The following DNAJC5B variants were observed in gnomAD, a reference collection of about 807,000 sequenced individuals.
DNAJC5B encodes the protein DnaJ heat shock protein family (Hsp40) member C5 beta.
DNAJC5B carries 23 observed loss-of-function variants against 24.7 expected under a neutral mutation model. The ratio of observed to expected loss-of-function variants is 0.93; its 90% CI spans 0.67 to 1.32. DNAJC5B has a LOEUF of 1.32. Ranked by LOEUF, DNAJC5B falls within the 40% of genes most tolerant of loss-of-function variation. The pLI is 0.00. For synonymous variants in DNAJC5B, 101 were observed against 90.1 expected, an observed-to-expected ratio of 1.12 and a Z score of -0.68; for missense variants, 238 against 240.8, an observed-to-expected ratio of 0.99 and a Z score of 0.08.
chr8:66,090,282 GT>G (rs1807820795), intron 5 of DNAJC5B, among the ~76,000 whole-genome samples: 2 of 131,130 alleles, frequency 1.5e-5, no homozygotes, highest in South Asian at 2.5e-4. Context: ...TGTGTGTGTG[GT>G]AGAGAGAGAG....
intron 5 of DNAJC5B, 51 bp downstream of exon 5, chr8:66,080,599 C>A: frequency 6.7e-7 from 1 of 1,483,988 alleles, no homozygotes; most frequent in Non-Finnish European, 9.0e-7. Flanking sequence ...TAGGCCTGAG[C>A]AAGCACCAGG....
At chr8:66,046,343 C>A (rs1464479750) in intron 2 of DNAJC5B, among the ~76,000 whole-genome samples, 1 of 152,184 alleles carries the variant, frequency 6.6e-6, no homozygotes, top group Non-Finnish European at 1.5e-5. Context: ...CCCACTGCGC[C>A]TTCCTGTGGC....
intron 1 of DNAJC5B, among the ~76,000 whole-genome samples, chr8:66,042,472 C>A (rs1806630697): frequency 6.6e-6 from 1 of 152,174 alleles, no homozygotes; most frequent in African/African-American, 2.4e-5. Flanking sequence ...AAAAGCTACC[C>A]ATAAGCTCAC....
chr8:66,043,887 C>T (rs1240913807), intron 2 of DNAJC5B, among the ~76,000 whole-genome samples: 15 of 147,206 alleles, frequency 1.0e-4, no homozygotes, highest in African/African-American at 3.6e-4. Flanking sequence ...AGTACAGTGG[C>T]GCCATCTCGG....
chr8:66,023,703 C>T (rs548992349), intron 1 of DNAJC5B, among the ~76,000 whole-genome samples: 34 of 152,226 alleles, frequency 2.2e-4, no homozygotes, highest in Admixed American at 1.1e-3. Context: ...TACATCCATC[C>T]GTGGTATCCG....
chr8:66,096,853 G>A (rs1361642534), intron 5 of DNAJC5B, among the ~76,000 whole-genome samples: 2 of 151,884 alleles, frequency 1.3e-5, no homozygotes, highest in Admixed American at 1.3e-4. Context: ...TCAATATAAT[G>A]TACTTTGATC....
chr8:66,079,614 G>A (rs1326990127), intron 4 of DNAJC5B, among the ~76,000 whole-genome samples: 1 of 152,208 alleles, frequency 6.6e-6, no homozygotes, highest in African/African-American at 2.4e-5. Flanking sequence ...GGGCTGTGCT[G>A]GTGCAGGGAG....
At chr8:66,026,633 CAAGAA>C (rs751906993) in intron 1 of DNAJC5B, among the ~76,000 whole-genome samples, 1 of 152,242 alleles carries the variant, frequency 6.6e-6, no homozygotes, top group African/African-American at 2.4e-5. Flanking sequence ...CCCACTCTCC[CAAGAA>C]TTGTGCAACA....
intron 1 of DNAJC5B, among the ~76,000 whole-genome samples, chr8:66,029,659 G>A (rs1442764033): frequency 2.0e-5 from 3 of 152,350 alleles, no homozygotes; most frequent in East Asian, 3.9e-4. Flanking sequence ...CAGAGGAAGA[G>A]AGTGGACTTT....
Position 66,100,137 on chromosome 8 carries a change from T to C in DNAJC5B, c.*106T>C. The C allele has an allele frequency of 1.1e-6, 1 of 922,810 alleles. No individual in the cohort carries two copies. The highest frequency in any genetic ancestry group is 1.6e-6 in the Non-Finnish European group (1 of 637,984). 57.2% of individuals were successfully genotyped at this position (922,810 alleles called of 1,614,324 possible). ...ATAAAGTGCTGTGAACTTTTCCATC[T>C]TGTTGTTTTATTTTTGGGTTAGGAA... On this transcript the variant is annotated 3_prime_UTR_variant, in exon 6 of 6. Coordinates refer to ENST00000276570, the MANE Select transcript of DNAJC5B (RefSeq NM_033105.6).
intron 1 of DNAJC5B, among the ~76,000 whole-genome samples, chr8:66,040,485 C>A: frequency 6.6e-6 from 1 of 152,048 alleles, no homozygotes; most frequent in Non-Finnish European, 1.5e-5. Context: ...TGTTTTTTCA[C>A]AAGGATGCCA....
At chr8:66,071,280 A>T (rs763342136) in intron 3 of DNAJC5B, among the ~76,000 whole-genome samples, 2 of 152,238 alleles carry the variant, frequency 1.3e-5, no homozygotes, top group Non-Finnish European at 2.9e-5. Flanking sequence ...GAATGGGAGA[A>T]AATTTTTTGC....
upstream of DNAJC5B, among the ~76,000 whole-genome samples, chr8:66,019,956 C>T (rs552070740): frequency 7.9e-5 from 12 of 152,268 alleles, no homozygotes; most frequent in South Asian, 2.1e-3. Flanking sequence ...AACCATTTCC[C>T]TAAGATTTTA....
intron 3 of DNAJC5B, among the ~76,000 whole-genome samples, chr8:66,069,686 G>A (rs969237449): frequency 1.3e-5 from 2 of 152,184 alleles, no homozygotes; most frequent in African/African-American, 4.8e-5. Context: ...AGAAAAAGAG[G>A]GAATCCTCCC....
At chr8:66,082,915 G>A (rs934378312) in intron 5 of DNAJC5B, among the ~76,000 whole-genome samples, 1 of 151,410 alleles carries the variant, frequency 6.6e-6, no homozygotes, top group Non-Finnish European at 1.5e-5. Flanking sequence ...TCTGCAACAC[G>A]CTTCCCCTGA....
At chr8:66,061,589 T>TAGAGAG (rs565078426) in intron 3 of DNAJC5B, among the ~76,000 whole-genome samples, 8 of 142,886 alleles carry the variant, frequency 5.6e-5, no homozygotes, top group South Asian at 2.3e-4. Context: ...AAAGAATGGA[T>TAGAGAG]AGAGAGAGAG....
At chr8:66,055,811 G>A (rs539806528) in intron 3 of DNAJC5B, among the ~76,000 whole-genome samples, 2 of 152,112 alleles carry the variant, frequency 1.3e-5, no homozygotes, top group Non-Finnish European at 2.9e-5. Flanking sequence ...GCGTGGTGAC[G>A]CATGCCTGTA....
At chr8:66,091,185 G>A (rs1324355874) in intron 5 of DNAJC5B, among the ~76,000 whole-genome samples, 1 of 152,128 alleles carries the variant, frequency 6.6e-6, no homozygotes. Flanking sequence ...ATAGTTCCTG[G>A]TACTTTGGAC....
chr8:66,020,765 G>A (rs548842468), upstream of DNAJC5B, among the ~76,000 whole-genome samples: 14 of 152,174 alleles, frequency 9.2e-5, no homozygotes, highest in South Asian at 2.9e-3. Context: ...AGCCTCCTGA[G>A]TAGTTAGAAC....
Sources: gnomAD v4.1 joint callset for allele counts (sites outside exome capture counted in the v4.1 genomes callset) on GRCh38, gnomAD v4.1.1 for gene constraint, MANE v1.5 for transcripts, NCBI Gene and HGNC (gene_info 2026-07-23, HGNC 2026-07-21) for gene names.